Variants in LIPC observed in about 807,000 individuals in gnomAD.
The protein encoded by LIPC is lipase C, hepatic type.
LIPC carries 44 observed loss-of-function variants against 50.7 expected under a neutral mutation model. The observed-to-expected ratio is 0.87, with a 90% CI of 0.68 to 1.11. The LOEUF (loss-of-function observed/expected upper bound fraction) is 1.11. Among genes scored for constraint, LIPC ranks in the 50% most tolerant of loss-of-function variants. The pLI is 0.00. For missense variants in LIPC, 697 were observed against 648.2 expected (o/e 1.08, Z -0.82); for synonymous variants, 271 against 256.4 (o/e 1.06, Z -0.54).
intron 1 of LIPC, among the ~76,000 whole-genome samples, chr15:58,466,259 G>C (rs549801385): frequency 9.8e-4 from 150 of 152,354 alleles, no homozygotes; most frequent in African/African-American, 3.3e-3. Flanking sequence ...GGTGTGATTA[G>C]AACTCCTAGC....
chr15:58,442,325 C>T (rs1267915628), intron 1 of LIPC, among the ~76,000 whole-genome samples: 1 of 152,188 alleles, frequency 6.6e-6, no homozygotes, highest in Non-Finnish European at 1.5e-5. Context: ...TTTACCCTAA[C>T]TGAACCTTAA....
intron 6 of LIPC, among the ~76,000 whole-genome samples, chr15:58,549,795 C>A (rs926381523): frequency 6.6e-6 from 1 of 152,146 alleles, no homozygotes; most frequent in Admixed American, 6.5e-5. Flanking sequence ...ATCTTTCGGG[C>A]CAAAGGGTCC....
intron 1 of LIPC, among the ~76,000 whole-genome samples, chr15:58,443,528 T>C (rs1893577121): frequency 6.6e-6 from 1 of 152,238 alleles, no homozygotes; most frequent in Non-Finnish European, 1.5e-5. Flanking sequence ...ACCAGGGATA[T>C]TTCGAAAGAG....
At chr15:58,452,201 T>C (rs1893924637) in intron 1 of LIPC, among the ~76,000 whole-genome samples, 2 of 152,192 alleles carry the variant, frequency 1.3e-5, no homozygotes, top group Admixed American at 1.3e-4. Flanking sequence ...GGGAACTTGT[T>C]TGAAAGACAA....
chr15:58,505,580 T>A, intron 1 of LIPC, among the ~76,000 whole-genome samples: 1 of 152,216 alleles, frequency 6.6e-6, no homozygotes, highest in South Asian at 2.1e-4. Flanking sequence ...ACTCATCTAA[T>A]GCCATTGGCA....
rs752423767 is a variant in LIPC, at chr15:58,563,600, ACAGTG to A, written c.1271_1275del (p.Ala424ValfsTer48). The A allele has an allele frequency of 1.9e-6, 3 of 1,614,194 alleles. No homozygotes were observed. The East Asian group carries it at 6.7e-5, about 36-fold the overall frequency. On this transcript the variant is annotated frameshift_variant, in exon 8 of 9. Coordinates refer to ENST00000299022, the MANE Select transcript of LIPC (RefSeq NM_000236.3). LOFTEE classifies it high-confidence loss of function. ...ATCATGATCAAGTTCAAGTGGGAAA[ACAGTG>A]CAGTGTGGGCCAATGTCTGGGACAC...
intron 1 of LIPC, among the ~76,000 whole-genome samples, chr15:58,467,726 C>A (rs1281272874): frequency 5.3e-5 from 8 of 152,240 alleles, no homozygotes; most frequent in African/African-American, 1.9e-4. Context: ...AAACTTCCCA[C>A]TCTGCTCATA....
At chr15:58,555,921 T>G (rs56010348) in intron 6 of LIPC, among the ~76,000 whole-genome samples, 61,812 of 151,976 alleles carry the variant, frequency 0.41, 14,544 homozygotes, top group Non-Finnish European at 0.54. Context: ...TGCTAGTGCC[T>G]CTCCCTCCAG....
chr15:58,468,728 T>C (rs1210019932), intron 1 of LIPC, among the ~76,000 whole-genome samples: 1 of 152,152 alleles, frequency 6.6e-6, no homozygotes, highest in African/African-American at 2.4e-5. Flanking sequence ...CCAGACCAGT[T>C]CAGATCTAAA....
intron 1 of LIPC, among the ~76,000 whole-genome samples, chr15:58,453,626 C>T (rs1469053710): frequency 1.3e-5 from 2 of 152,030 alleles, no homozygotes; most frequent in Admixed American, 6.6e-5. Flanking sequence ...CGTACATTGG[C>T]GCGGTGGCTT....
chr15:58,437,072 T>C (rs1893324704), intron 1 of LIPC, among the ~76,000 whole-genome samples: 1 of 152,190 alleles, frequency 6.6e-6, no homozygotes. Flanking sequence ...TGGTTTTGAA[T>C]ACCTACTACT....
chr15:58,468,622 A>T (rs1894663267), intron 1 of LIPC, among the ~76,000 whole-genome samples: 1 of 152,266 alleles, frequency 6.6e-6, no homozygotes, highest in East Asian at 1.9e-4. Context: ...GGGATTTGTG[A>T]TTAATACATA....
Position 58,550,784 on chromosome 15 carries a change from C to T in LIPC, c.1051+2212C>T, listed in dbSNP as rs145773429. On this transcript the variant is annotated intron_variant, in intron 6 of 8. Transcript: ENST00000299022. ...CCAGGCTGGAGGGAGGTTCCAGTGC[C>T]GAGCTGTGGCTTGTACCACACCCTC... Among the ~76,000 whole-genome samples, 48 of 149,684 alleles carry T rather than the reference C, an allele frequency of 3.2e-4. No individual in the cohort carries two copies. The East Asian group carries it at 8.5e-3, about 26-fold the overall frequency.
At chr15:58,519,267 C>T (rs1350160163) in intron 1 of LIPC, among the ~76,000 whole-genome samples, 1 of 151,868 alleles carries the variant, frequency 6.6e-6, no homozygotes, top group Non-Finnish European at 1.5e-5. Flanking sequence ...AAAAATTAGC[C>T]GAGCGTGGTG....
intron 1 of LIPC, among the ~76,000 whole-genome samples, chr15:58,497,516 G>T (rs1891815113): frequency 6.6e-6 from 1 of 152,194 alleles, no homozygotes; most frequent in South Asian, 2.1e-4. Flanking sequence ...GGAGCATCTA[G>T]AAAATGCCTT....
chr15:58,467,974 TAAA>T (rs1244152757), intron 1 of LIPC, among the ~76,000 whole-genome samples: 1 of 152,214 alleles, frequency 6.6e-6, no homozygotes, highest in East Asian at 1.9e-4. Context: ...TGAGGCTTCC[TAAA>T]CTTCAGTTTC....
chr15:58,538,988 C>A (rs1412311706), intron 2 of LIPC, among the ~76,000 whole-genome samples: 1 of 152,184 alleles, frequency 6.6e-6, no homozygotes, highest in Non-Finnish European at 1.5e-5. Flanking sequence ...GCAAAATATT[C>A]CAAAGATATA....
At chr15:58,510,614 A>G (rs1892299368) in intron 1 of LIPC, among the ~76,000 whole-genome samples, 1 of 152,270 alleles carries the variant, frequency 6.6e-6, no homozygotes, top group Non-Finnish European at 1.5e-5. Context: ...TAAGAGTAGG[A>G]GAAACTGCCA....
intron 1 of LIPC, chr15:58,436,782 C>T: frequency 2.2e-6 from 1 of 456,192 alleles, no homozygotes; most frequent in Middle Eastern, 3.3e-4. Flanking sequence ...GAGGAGGCGG[C>T]ATTTGAGTAG....
Sources: allele counts gnomAD v4.1 joint callset (sites outside exome capture counted in the v4.1 genomes callset), GRCh38; gene constraint gnomAD v4.1.1; transcripts MANE v1.5; gene names NCBI Gene and HGNC (gene_info 2026-07-23, HGNC 2026-07-21).